Variants in TC2N observed in about 807,000 individuals in gnomAD.
TC2N encodes tandem C2 domains, nuclear.
TC2N carries 51 observed loss-of-function variants against 61.9 expected under a neutral mutation model. That is an observed-to-expected ratio of 0.82 (90% CI 0.66 to 1.04). The LOEUF (loss-of-function observed/expected upper bound fraction) is 1.04, where lower values mean the gene tolerates loss of function less well. TC2N is among the 50% of genes least tolerant of loss of function. TC2N has a pLI of 0.00. For missense variants in TC2N, 556 were observed against 566.7 expected (o/e 0.98, Z 0.19); for synonymous variants, 204 against 192.6 (o/e 1.06, Z -0.49).
At chr14:91,802,887 G>A (rs968680983) in intron 3 of TC2N, among the ~76,000 whole-genome samples, 1 of 150,260 alleles carries the variant, frequency 6.7e-6, no homozygotes, top group African/African-American at 2.5e-5. Flanking sequence ...CAATTAAGTT[G>A]GAAATCAAAT....
At chr14:91,812,277 T>G in intron 3 of TC2N, 35 bp downstream of exon 3, 1 of 1,190,828 alleles carries the variant, frequency 8.4e-7, no homozygotes, top group Non-Finnish European at 1.2e-6. Flanking sequence ...AAATGCTACA[T>G]ATCGATTTTT....
At chr14:91,825,312 G>A (rs1210165357) in intron 1 of TC2N, among the ~76,000 whole-genome samples, 7 of 152,052 alleles carry the variant, frequency 4.6e-5, no homozygotes, top group Non-Finnish European at 2.9e-5. Flanking sequence ...GATTACAGGT[G>A]TGAGCCACCG....
intron 1 of TC2N, among the ~76,000 whole-genome samples, chr14:91,832,347 G>T (rs1412672771): frequency 1.4e-5 from 2 of 146,574 alleles, no homozygotes; most frequent in Non-Finnish European, 3.0e-5. Flanking sequence ...CCAGGATCAT[G>T]CCATTGCACT....
chr14:91,802,285 G>A lies in TC2N; in HGVS notation c.438C>T (p.Pro146=), dbSNP rs749383756. The change falls in exon 4 of 12, where the codon CCC becomes CCT. Residue 146 remains proline (P), a synonymous_variant. Transcript: ENST00000435962. ...CATACAGTCTCTTCACTTCTGAACGGGGAGGAAAGCGTCGACTCAAATCAG... is the reference window on the plus strand; with the variant it reads ...CATACAGTCTCTTCACTTCTGAACGAGGAGGAAAGCGTCGACTCAAATCAG... The part of the protein sequence containing the change: ...ISPDLSRRFP[P]RSEVKRLYGS... 9 of 1,599,760 alleles carry A rather than the reference G, an allele frequency of 5.6e-6. No homozygotes were observed. The highest frequency in any genetic ancestry group is 2.3e-5 in the East Asian group (1 of 43,634).
intron 1 of TC2N, among the ~76,000 whole-genome samples, chr14:91,845,007 G>C (rs947504916): frequency 3.9e-5 from 6 of 152,038 alleles, no homozygotes; most frequent in Admixed American, 2.6e-4. Context: ...GGCTGAGAAG[G>C]GGGTGGATCA....
At position 91,837,110 on chromosome 14, in the gene TC2N, A is replaced by C. The variant is rs1052400913; in HGVS notation, c.-56-23285T>G. Among the ~76,000 whole-genome samples the C allele has an allele frequency of 1.3e-5, 2 of 152,142 alleles. No individual in the cohort carries two copies. Among genetic ancestry groups the C allele is most frequent in the Admixed American group, 1.3e-4 (2 of 15,280 alleles). On this transcript the variant is annotated intron_variant, in intron 1 of 11. Coordinates refer to ENST00000435962, the MANE Select transcript of TC2N (RefSeq NM_001128596.3). The surrounding 1 kb of genome is among the most constrained non-coding windows in gnomAD (Gnocchi z 4.2). ...CCGATTCTATGAGGGATCCCCTCTA[A>C]CCCTGGTAAAGCGGGGGGCCTGGCC... is the stretch of plus-strand genomic sequence containing the variant.
intron 5 of TC2N, among the ~76,000 whole-genome samples, 184 bp from the exon 6 acceptor site, chr14:91,799,248 A>T (rs1164858469): frequency 6.6e-6 from 1 of 151,762 alleles, no homozygotes; most frequent in Non-Finnish European, 1.5e-5. Context: ...ATTTGTTAGG[A>T]ATATCTTAAA....
intron 1 of TC2N, among the ~76,000 whole-genome samples, chr14:91,832,390 C>A (rs370712483): frequency 1.7e-3 from 238 of 136,236 alleles, no homozygotes; most frequent in South Asian, 3.1e-3. Context: ...AACTCCGTCT[C>A]AAAAAAAAAA....
At chr14:91,863,370 T>C (rs368548966) in intron 1 of TC2N, among the ~76,000 whole-genome samples, 114 of 152,244 alleles carry the variant, frequency 7.5e-4, no homozygotes, top group Admixed American at 3.2e-3. Context: ...GCAAGGAGAA[T>C]TGGGCAGCTC....
intron 1 of TC2N, among the ~76,000 whole-genome samples, chr14:91,840,171 C>T (rs896731895): frequency 6.6e-6 from 1 of 152,160 alleles, no homozygotes; most frequent in African/African-American, 2.4e-5. Flanking sequence ...TAGAACAAAG[C>T]TCTCTCCACT....
intron 1 of TC2N, among the ~76,000 whole-genome samples, chr14:91,861,304 TAAC>T (rs776553694): frequency 4.6e-5 from 7 of 152,202 alleles, no homozygotes; most frequent in East Asian, 1.9e-4. Context: ...AGAGGGCAAG[TAAC>T]AACAACAACA....
chr14:91,842,455 C>A (rs988546684), intron 1 of TC2N, among the ~76,000 whole-genome samples: 1 of 152,206 alleles, frequency 6.6e-6, no homozygotes, highest in Non-Finnish European at 1.5e-5. Context: ...TTCAGCTTTT[C>A]GAGCTTAGAA....
intron 1 of TC2N, among the ~76,000 whole-genome samples, chr14:91,815,042 T>C (rs116593278): frequency 0.015 from 2,245 of 151,132 alleles, 57 homozygotes; most frequent in African/African-American, 0.052. Flanking sequence ...GTTAGAGAGG[T>C]AGGAGAACAC....
intron 1 of TC2N, among the ~76,000 whole-genome samples, chr14:91,831,227 C>T (rs58763793): frequency 0.41 from 62,135 of 151,836 alleles, 12,906 homozygotes; most frequent in South Asian, 0.52. Context: ...TTACACTGTT[C>T]CCAAAATGCA....
At chr14:91,854,301 G>GA (rs1343069130) in intron 1 of TC2N, among the ~76,000 whole-genome samples, 4 of 151,186 alleles carry the variant, frequency 2.6e-5, no homozygotes, top group African/African-American at 9.7e-5. Context: ...AAACTGGAAG[G>GA]AAAAATACTT....
intron 1 of TC2N, 119 bp downstream of exon 1, chr14:91,867,143 A>G (rs538530566): frequency 6.6e-6 from 1 of 152,250 alleles, no homozygotes; most frequent in African/African-American, 2.4e-5. Flanking sequence ...CAAATAAAAC[A>G]CAAACCTTAA....
intron 11 of TC2N, 82 bp downstream of exon 11, chr14:91,785,080 T>G (rs1885296456): frequency 2.1e-6 from 2 of 955,250 alleles, no homozygotes; most frequent in East Asian, 4.8e-5. Context: ...TATTTGACTT[T>G]AATATTATCC....
chr14:91,788,142 C>G (rs1422891907), intron 9 of TC2N, among the ~76,000 whole-genome samples: 1 of 151,912 alleles, frequency 6.6e-6, no homozygotes, highest in Admixed American at 6.6e-5. Flanking sequence ...TGAATGGAAG[C>G]AAGCTAAAGA....
chr14:91,830,791 C>T (rs1278099171), intron 1 of TC2N, among the ~76,000 whole-genome samples: 1 of 152,188 alleles, frequency 6.6e-6, no homozygotes, highest in Non-Finnish European at 1.5e-5. Context: ...AACTTCTCCC[C>T]ATGGTCTGTT....
Sources: gnomAD v4.1 joint callset for allele counts (sites outside exome capture counted in the v4.1 genomes callset) on GRCh38, gnomAD v4.1.1 for gene constraint, Gnocchi (gnomAD v3.1) non-coding constraint, MANE v1.5 for transcripts, NCBI Gene and HGNC (gene_info 2026-07-23, HGNC 2026-07-21) for gene names.